FBLN2: variants seen among roughly 807,000 people sequenced by gnomAD.
The protein encoded by FBLN2 is fibulin 2.
FBLN2 carries 81 observed loss-of-function variants against 123.7 expected under a neutral mutation model. The ratio of observed to expected loss-of-function variants is 0.65; its 90% CI spans 0.55 to 0.79. The LOEUF is 0.79. Ranked by LOEUF, FBLN2 falls within the 30% of genes least tolerant of loss-of-function variation. The pLI, the probability that FBLN2 is intolerant of heterozygous loss-of-function variation, is 0.00. For synonymous variants in FBLN2, 699 were observed against 701.4 expected (o/e 1.00, Z 0.05); for missense variants, 1,603 against 1,681.3 (o/e 0.95, Z 0.81).
At chr3:13,585,426 T>A (rs1704465407) in intron 2 of FBLN2, among the ~76,000 whole-genome samples, 1 of 152,132 alleles carries the variant, frequency 6.6e-6, no homozygotes, top group Non-Finnish European at 1.5e-5. Flanking sequence ...CTGGTCAAGT[T>A]CTAGGAAGGC....
In FBLN2 at chr3:13,619,733, A is replaced by G. The variant is rs1003024770; in HGVS notation, c.2057A>G (p.Asn686Ser). The G allele has an allele frequency of 2.5e-6, 4 of 1,613,130 alleles. No individual in the cohort carries two copies. Among genetic ancestry groups the G allele is most frequent in the East Asian group, 4.5e-5 (2 of 44,850 alleles). The change falls in exon 8 of 18, where the codon AAT becomes AGT. Residue 686 changes from asparagine to serine, a missense_variant. Coordinates refer to ENST00000404922, the MANE Select transcript of FBLN2 (RefSeq NM_001004019.2). ...PLPQPNTCKDNGPCKQVCSTV... is the reference protein window; with the variant it reads ...PLPQPNTCKDSGPCKQVCSTV... ...ATTTCTGTGTGGTTTCCTCCAGACAATGGACCCTGCAAGCAGGTGTGCAGC... is the reference window on the plus strand; with the variant it reads ...ATTTCTGTGTGGTTTCCTCCAGACAGTGGACCCTGCAAGCAGGTGTGCAGC...
intron 10 of FBLN2, among the ~76,000 whole-genome samples, chr3:13,627,563 T>TA (rs1311167614): frequency 2.6e-5 from 4 of 152,300 alleles, no homozygotes; most frequent in Middle Eastern, 3.4e-3. Context: ...ATCTACTTCT[T>TA]ACGGCTGTGT....
At chr3:13,623,731 G>A (rs990157882) in intron 9 of FBLN2, among the ~76,000 whole-genome samples, 52 of 152,152 alleles carry the variant, frequency 3.4e-4, no homozygotes, top group Non-Finnish European at 8.8e-5. Flanking sequence ...TTAATCATAA[G>A]ACCTTAAACC....
At chr3:13,580,621 C>T (rs903323551) in intron 2 of FBLN2, among the ~76,000 whole-genome samples, 2 of 152,178 alleles carry the variant, frequency 1.3e-5, no homozygotes, top group African/African-American at 2.4e-5. Flanking sequence ...TTTGTGTGTG[C>T]GTAGCTCTCC....
In FBLN2 at chr3:13,637,837, T is replaced by G. The variant is rs1034173035; in HGVS notation, c.3614T>G (p.Val1205Gly). 6.8e-6 allele frequency: 11 copies of G among 1,613,302 alleles called. No individual in the cohort carries two copies. Among genetic ancestry groups the G allele is most frequent in the Non-Finnish European group, 9.3e-6 (11 of 1,179,420 alleles). The change falls in exon 18 of 18, where the codon GTG (valine) becomes GGG (glycine). Residue 1205 changes from valine to glycine, a missense_variant. Physicochemically the swap from Val to Gly is moderately radical, Grantham distance 109. Coordinates refer to ENST00000404922, the MANE Select transcript of FBLN2 (RefSeq NM_001004019.2). ...VLEPRDFALD[V>G]EMKLWRQGSV... The stretch of plus-strand genomic sequence containing the variant: ...GAGCCCCGGGACTTTGCCCTGGACG[T>G]GGAGATGAAGCTCTGGAGGCAGGGC...
At chr3:13,557,206 A>G (rs1256051506) in intron 1 of FBLN2, among the ~76,000 whole-genome samples, 2 of 152,218 alleles carry the variant, frequency 1.3e-5, no homozygotes, top group Non-Finnish European at 2.9e-5. Flanking sequence ...CCCCAGGCGC[A>G]TGTCTGGAGC....
intron 1 of FBLN2, among the ~76,000 whole-genome samples, chr3:13,567,356 C>G (rs1298297801): frequency 6.6e-6 from 1 of 152,182 alleles, no homozygotes; most frequent in Non-Finnish European, 1.5e-5. Context: ...CTCAGTTCAC[C>G]AAAGATTTCC....
chr3:13,622,736 A>G (rs1476415352), intron 9 of FBLN2, among the ~76,000 whole-genome samples: 3 of 152,240 alleles, frequency 2.0e-5, no homozygotes, highest in African/African-American at 7.2e-5. Flanking sequence ...ACATGTCTGC[A>G]GCCTCTGATG....
intron 2 of FBLN2, among the ~76,000 whole-genome samples, chr3:13,588,224 A>G (rs1314672161): frequency 6.6e-6 from 1 of 152,232 alleles, no homozygotes; most frequent in Admixed American, 6.5e-5. Context: ...AGTACTCAGT[A>G]CAGTCATGTT....
At chr3:13,551,057 G>A (rs556690582) in intron 1 of FBLN2, among the ~76,000 whole-genome samples, 33 of 152,188 alleles carry the variant, frequency 2.2e-4, no homozygotes, top group Admixed American at 9.2e-4. Context: ...GGGCAGGGGC[G>A]CTGTTTGGTC....
intron 1 of FBLN2, among the ~76,000 whole-genome samples, chr3:13,552,748 C>G (rs1703358605): frequency 6.6e-6 from 1 of 152,036 alleles, no homozygotes; most frequent in Non-Finnish European, 1.5e-5. Context: ...GGAGGGGCTC[C>G]CTGGAGTTGG....
chr3:13,607,984 G>A lies in FBLN2; in HGVS notation c.1307-78G>A, dbSNP rs1312592928. The A allele has an allele frequency of 6.1e-6, 7 of 1,146,308 alleles. No individual in the cohort carries two copies. The African/African-American group carries it at 1.1e-4, about 18-fold the overall frequency. The allele number at this position is 1,146,308 out of a possible 1,614,324, so 71.0% of individuals were successfully genotyped here. A position where few individuals can be genotyped will look rare whatever the true frequency, so the allele number is the denominator to read the frequency against. ...ATGAGTTTGCCTGCCCAGTAAAGGAGACCTGGACAGGCCCCTGCATATCTG... is the reference window on the plus strand; with the variant it reads ...ATGAGTTTGCCTGCCCAGTAAAGGAAACCTGGACAGGCCCCTGCATATCTG... On this transcript the variant is annotated intron_variant, in intron 2 of 17. Transcript: ENST00000404922.
chr3:13,621,370 AGT>A (rs1705844469), intron 8 of FBLN2, among the ~76,000 whole-genome samples: 2 of 152,110 alleles, frequency 1.3e-5, no homozygotes, highest in Non-Finnish European at 2.9e-5. Flanking sequence ...ACAGACACTC[AGT>A]GTCCTGGAGC....
At position 13,637,801 on chromosome 3, in the gene FBLN2, G is replaced by A. The variant is rs776129342; in HGVS notation, c.3578G>A (p.Arg1193Gln). The A allele has an allele frequency of 1.1e-5, 18 of 1,613,722 alleles. No individual in the cohort carries two copies. In the South Asian group the frequency reaches 1.2e-4, roughly 11 times the overall value. Residue 1193 changes from arginine to glutamine, a missense_variant, in exon 18 of 18, where the codon CGG becomes CAG. Arg to Gln is a conservative substitution (Grantham distance 43). Transcript: ENST00000404922. ...NAYTGVVYLQ[R>Q]AVLEPRDFAL... ...TACACGGGTGTGGTCTACCTGCAGC[G>A]GGCCGTGCTGGAGCCCCGGGACTTT... is the stretch of plus-strand genomic sequence containing the variant.
intron 1 of FBLN2, among the ~76,000 whole-genome samples, chr3:13,569,237 GC>G (rs1703843215): frequency 6.6e-6 from 1 of 152,174 alleles, no homozygotes; most frequent in African/African-American, 2.4e-5. Context: ...AGGCCTAAGG[GC>G]CTGTGGGAGG....
intron 1 of FBLN2, among the ~76,000 whole-genome samples, chr3:13,561,765 A>G (rs1363431297): frequency 6.6e-6 from 1 of 152,164 alleles, no homozygotes; most frequent in Non-Finnish European, 1.5e-5. Context: ...GTTCGCTGCC[A>G]TATCCCAGCA....
chr3:13,617,730 C>G (rs1164832516), intron 5 of FBLN2, among the ~76,000 whole-genome samples: 1 of 71,510 alleles, frequency 1.4e-5, no homozygotes, highest in Admixed American at 1.4e-4. Context: ...CATTCATCCA[C>G]CCCCCCCACC....
intron 2 of FBLN2, among the ~76,000 whole-genome samples, chr3:13,579,362 TG>T (rs902444256): frequency 2.2e-4 from 33 of 152,246 alleles, no homozygotes; most frequent in Non-Finnish European, 3.5e-4. Flanking sequence ...TACACTGCAC[TG>T]GGGGAGAGTG....
rs577899904 is a variant in FBLN2 at position 13,567,074 on chromosome 3, G to A, written c.-41-3241G>A. The stretch of plus-strand genomic sequence containing the variant: ...GAGTGGGGAGATGGGCAAGCCTGAG[G>A]TTTGGGATTGCTTAAGCATGGACAG... On this transcript the variant is annotated intron_variant, in intron 1 of 17. Coordinates refer to ENST00000404922, the MANE Select transcript of FBLN2 (RefSeq NM_001004019.2). 2.1e-3 allele frequency among the ~76,000 whole-genome samples: 317 copies of A among 152,286 alleles called. 1 individual carries two copies. Among genetic ancestry groups the A allele is most frequent in the Middle Eastern group, 3.4e-3 (1 of 294 alleles).
Sources: allele counts gnomAD v4.1 joint callset (sites outside exome capture counted in the v4.1 genomes callset), GRCh38; gene constraint gnomAD v4.1.1; transcripts MANE v1.5; gene names NCBI Gene and HGNC (gene_info 2026-07-23, HGNC 2026-07-21).